Variants in COLEC10 observed in about 807,000 individuals in gnomAD.
COLEC10 encodes collectin-10.
A neutral mutation model predicts 28.4 loss-of-function variants in COLEC10; 22 were observed. That is an observed-to-expected ratio of 0.78 (90% CI 0.55 to 1.11). The LOEUF (loss-of-function observed/expected upper bound fraction) is 1.11. COLEC10 is among the 50% of genes least tolerant of loss of function. The pLI is 0.00. For synonymous variants in COLEC10, 125 were observed against 116.1 expected (o/e 1.08, Z -0.49); for missense variants, 361 against 344.1 (o/e 1.05, Z -0.39).
intron 2 of COLEC10, among the ~76,000 whole-genome samples, chr8:119,032,461 C>A (rs1371069080): frequency 6.6e-6 from 1 of 152,236 alleles, no homozygotes; most frequent in African/African-American, 2.4e-5. Context: ...TGGTTCAATT[C>A]ATATATTCGT....
intron 2 of COLEC10, among the ~76,000 whole-genome samples, chr8:119,038,687 T>C (rs886950993): frequency 6.6e-6 from 1 of 152,242 alleles, no homozygotes; most frequent in Admixed American, 6.5e-5. Flanking sequence ...AACTAACACC[T>C]GTGAATCTAT....
chr8:119,058,255 T>G (rs1360177423), intron 2 of COLEC10, among the ~76,000 whole-genome samples: 1 of 152,084 alleles, frequency 6.6e-6, no homozygotes, highest in African/African-American at 2.4e-5. Context: ...TGAGGGTTTT[T>G]TTTACACTTT....
intron 1 of COLEC10, among the ~76,000 whole-genome samples, chr8:119,085,280 C>T (rs1422612531): frequency 6.6e-6 from 1 of 152,078 alleles, no homozygotes; most frequent in Non-Finnish European, 1.5e-5. Flanking sequence ...GGGGAGAAGG[C>T]TAACAATAGC....
chr8:119,066,104 C>T (rs777620798), upstream of COLEC10, among the ~76,000 whole-genome samples: 31 of 152,088 alleles, frequency 2.0e-4, no homozygotes, highest in Admixed American at 3.3e-4. Flanking sequence ...TTACTTGTAA[C>T]GACATCTCTT....
the COLEC10 span, among the ~76,000 whole-genome samples, chr8:118,961,385 T>C: frequency 6.6e-6 from 1 of 152,238 alleles, no homozygotes; most frequent in Admixed American, 6.5e-5. Context: ...CTAACTGGTA[T>C]GTTTGACTAT....
chr8:119,085,088 G>A (rs1348152831), intron 1 of COLEC10, among the ~76,000 whole-genome samples: 6 of 152,218 alleles, frequency 3.9e-5, no homozygotes, highest in Admixed American at 3.9e-4. Context: ...CATTTTGGAT[G>A]AGAAAACTGA....
At chr8:119,038,550 G>A (rs1801691945) in intron 2 of COLEC10, among the ~76,000 whole-genome samples, 2 of 152,140 alleles carry the variant, frequency 1.3e-5, no homozygotes, top group South Asian at 4.1e-4. Flanking sequence ...CACTAAAAAA[G>A]CAACTGAACA....
intron 1 of COLEC10, among the ~76,000 whole-genome samples, chr8:119,083,588 C>T (rs1006070851): frequency 3.9e-5 from 6 of 152,194 alleles, no homozygotes; most frequent in South Asian, 2.1e-4. Context: ...TCCATGCAAG[C>T]AGCTCTTTGA....
At chr8:119,033,130 G>GAC (rs1256561177) in intron 2 of COLEC10, among the ~76,000 whole-genome samples, 2 of 152,164 alleles carry the variant, frequency 1.3e-5, no homozygotes, top group African/African-American at 4.8e-5. Flanking sequence ...ATGGGGGTGT[G>GAC]GAGGGCATGG....
upstream of COLEC10, among the ~76,000 whole-genome samples, chr8:118,994,958 G>A (rs1366689717): frequency 1.3e-5 from 2 of 152,080 alleles, no homozygotes; most frequent in South Asian, 2.1e-4. Context: ...ACTTATTAAG[G>A]ATGTGTTAAT....
the COLEC10 span, among the ~76,000 whole-genome samples, chr8:118,989,560 CACACACACACACACACACCCCT>C: frequency 6.7e-6 from 1 of 149,722 alleles, no homozygotes; most frequent in African/African-American, 2.5e-5. Flanking sequence ...CACACACACA[CACACACACACACACACACCCCT>C]ACCTACCCAT....
upstream of COLEC10, among the ~76,000 whole-genome samples, chr8:118,992,847 G>A (rs1171000639): frequency 6.6e-6 from 1 of 152,092 alleles, no homozygotes; most frequent in East Asian, 1.9e-4. Flanking sequence ...CTTTCAGTGT[G>A]TAAAATGTTT....
the COLEC10 span, among the ~76,000 whole-genome samples, chr8:118,989,726 A>ATGTGTGTG: frequency 0.025 from 3,768 of 151,304 alleles, 121 homozygotes; most frequent in East Asian, 0.16. Flanking sequence ...AAAAATTTGC[A>ATGTGTGTG]TGTGTGTGTG....
At chr8:119,067,474 T>C (rs1342409158) in intron 1 of COLEC10, 45 bp downstream of exon 1, 7 of 1,555,184 alleles carry the variant, frequency 4.5e-6, no homozygotes, top group African/African-American at 2.7e-5. Context: ...AAATATGATA[T>C]CTTCCCTCAT....
the COLEC10 span, among the ~76,000 whole-genome samples, chr8:118,964,526 T>C: frequency 6.6e-6 from 1 of 152,188 alleles, no homozygotes; most frequent in Non-Finnish European, 1.5e-5. Context: ...ATTAGTCCAC[T>C]TTAACAAAGA....
At chr8:119,105,608 A>T (rs539557598) in intron 5 of COLEC10, among the ~76,000 whole-genome samples, 192 bp from the exon 6 acceptor site, 1 of 152,228 alleles carries the variant, frequency 6.6e-6, no homozygotes, top group South Asian at 2.1e-4. Context: ...GGGAGAACAA[A>T]CGGTAGATAT....
chr8:119,106,501 C>A lies in COLEC10; in HGVS notation c.*310C>A. 1 of 269,064 alleles carries A rather than the reference C, an allele frequency of 3.7e-6. No individual in the cohort carries two copies. Among genetic ancestry groups the A allele is most frequent in the South Asian group, 5.2e-5 (1 of 19,050 alleles). The allele number at this position is 269,064 out of a possible 1,614,324, so 16.7% of individuals were successfully genotyped here. ...GTTGTTCTCTTGGTATTTGCTCTACCATCTCTCCCTAGAGCACTCTGTGTC... is the reference window on the plus strand; with the variant it reads ...GTTGTTCTCTTGGTATTTGCTCTACAATCTCTCCCTAGAGCACTCTGTGTC... On this transcript the variant is annotated 3_prime_UTR_variant, in exon 6 of 6. Transcript: ENST00000332843.
At chr8:119,032,988 T>G (rs6984675) in intron 2 of COLEC10, among the ~76,000 whole-genome samples, 95,409 of 152,046 alleles carry the variant, frequency 0.63, 30,967 homozygotes, top group African/African-American at 0.79. Context: ...CGGGCTTTTT[T>G]TGATGTGCTC....
the COLEC10 span, among the ~76,000 whole-genome samples, chr8:118,961,152 G>C: frequency 1.3e-5 from 2 of 152,240 alleles, no homozygotes; most frequent in South Asian, 4.1e-4. Flanking sequence ...ACTAAAATAT[G>C]ATTAATATTC....
Sources: allele counts gnomAD v4.1 joint callset (sites outside exome capture counted in the v4.1 genomes callset), GRCh38; gene constraint gnomAD v4.1.1; transcripts MANE v1.5; gene names NCBI Gene and HGNC (gene_info 2026-07-23, HGNC 2026-07-21).